The following ONECUT2 variants were observed in gnomAD, a reference collection of about 807,000 sequenced individuals.
ONECUT2 encodes one cut domain family member 2.
ONECUT2 carries 10 observed loss-of-function variants against 27.9 expected under a neutral mutation model. The ratio of observed to expected loss-of-function variants is 0.36; its 90% CI spans 0.22 to 0.61. ONECUT2 has a LOEUF of 0.61. ONECUT2 is among the 20% of genes least tolerant of loss of function. The pLI, the probability that ONECUT2 is intolerant of heterozygous loss-of-function variation, is 0.73. For missense variants in ONECUT2, 686 were observed against 721.0 expected (o/e 0.95, Z 0.56); for synonymous variants, 334 against 315.1 (o/e 1.06, Z -0.64).
chr18:57,464,367 T>C (rs2050308665), intron 1 of ONECUT2, among the ~76,000 whole-genome samples: 1 of 152,202 alleles, frequency 6.6e-6, no homozygotes, highest in South Asian at 2.1e-4. Flanking sequence ...CCTTTTCCGA[T>C]ATAACATTGA....
At chr18:57,470,719 G>A (rs756935438) in intron 1 of ONECUT2, among the ~76,000 whole-genome samples, 1 of 151,986 alleles carries the variant, frequency 6.6e-6, no homozygotes, top group African/African-American at 2.4e-5. Context: ...TCCCCAACCT[G>A]TATCTGCCTC....
chr18:57,469,084 G>A (rs900639858), intron 1 of ONECUT2, among the ~76,000 whole-genome samples: 2 of 152,144 alleles, frequency 1.3e-5, no homozygotes, highest in African/African-American at 4.8e-5. Context: ...ACCTACTTTT[G>A]TAATTGATTT....
chr18:57,442,243 G>GTTTTTTTTTTTTT (rs1568118321), intron 1 of ONECUT2, among the ~76,000 whole-genome samples: 2 of 127,504 alleles, frequency 1.6e-5, no homozygotes, highest in Non-Finnish European at 1.6e-5. Context: ...AATTCTTCTG[G>GTTTTTTTTTTTTT]GTTTTTTTTT....
rs769153360 is a variant in ONECUT2, at chr18:57,436,560, G to T, written c.844G>T (p.Gly282Cys). The T allele has an allele frequency of 3.1e-6, 5 of 1,611,512 alleles. No homozygotes were observed. Among genetic ancestry groups the T allele is most frequent in the South Asian group, 1.1e-5 (1 of 91,078 alleles). ...TGAGCAACACCTGTCCCGCGGCCTG[G>T]GCACCCCACCTGCGGCCATGATGTC... ...RGEQHLSRGLGTPPAAMMSHL... is the reference protein window; with the variant it reads ...RGEQHLSRGLCTPPAAMMSHL... Residue 282 changes from glycine to cysteine, a missense_variant, in exon 1 of 2, where the codon GGC (glycine) becomes TGC (cysteine). By Grantham distance (159) the Gly-to-Cys change is radical (BLOSUM62 -3). Coordinates refer to ENST00000491143, the MANE Select transcript of ONECUT2 (RefSeq NM_004852.3). The surrounding 1 kb of genome is among the most constrained non-coding windows in gnomAD (Gnocchi z 5.9).
chr18:57,454,210 T>G (rs1360678373), intron 1 of ONECUT2, among the ~76,000 whole-genome samples: 1 of 152,184 alleles, frequency 6.6e-6, no homozygotes, highest in Admixed American at 6.5e-5. Context: ...ATTGTGAGCC[T>G]TAAGTAAGTT....
intron 1 of ONECUT2, among the ~76,000 whole-genome samples, chr18:57,457,831 A>G (rs867646427): frequency 5.9e-5 from 9 of 152,232 alleles, no homozygotes; most frequent in Admixed American, 2.6e-4. Flanking sequence ...AGTGACATGG[A>G]TGAAGCTGAA....
intron 1 of ONECUT2, among the ~76,000 whole-genome samples, chr18:57,445,460 C>T (rs909223132): frequency 6.6e-6 from 1 of 152,186 alleles, no homozygotes; most frequent in Non-Finnish European, 1.5e-5. Context: ...CATTTCTTCC[C>T]TGATCCTTTT....
At chr18:57,462,568 T>C (rs1478452901) in intron 1 of ONECUT2, among the ~76,000 whole-genome samples, 1 of 151,982 alleles carries the variant, frequency 6.6e-6, no homozygotes, top group Non-Finnish European at 1.5e-5. Flanking sequence ...CTTAAAATTG[T>C]TTTTTGTAGA....
intron 1 of ONECUT2, among the ~76,000 whole-genome samples, chr18:57,460,517 C>G (rs1407971979): frequency 6.6e-6 from 1 of 151,030 alleles, no homozygotes; most frequent in Non-Finnish European, 1.5e-5. Context: ...TATGATATAT[C>G]TTGAGCTCTA....
chr18:57,460,043 T>G (rs1161257975), intron 1 of ONECUT2, among the ~76,000 whole-genome samples: 1 of 152,094 alleles, frequency 6.6e-6, no homozygotes, highest in East Asian at 1.9e-4. Flanking sequence ...CTACAAAAGC[T>G]TCCCAAGCAG....
At chr18:57,454,147 G>T (rs2050246033) in intron 1 of ONECUT2, among the ~76,000 whole-genome samples, 1 of 152,084 alleles carries the variant, frequency 6.6e-6, no homozygotes, top group Non-Finnish European at 1.5e-5. Context: ...AGGTCTTTAA[G>T]GTTTCTTCTT....
chr18:57,480,029 A>G lies in ONECUT2; in HGVS notation c.*3306A>G, dbSNP rs972124894. 1 of 152,244 alleles carries G rather than the reference A, an allele frequency of 6.6e-6. No homozygotes were observed. The highest frequency in any genetic ancestry group is 1.5e-5 in the Non-Finnish European group (1 of 68,068). The allele number at this position is 152,244 out of a possible 1,614,324, so 9.4% of individuals were successfully genotyped here. A position where few individuals can be genotyped will look rare whatever the true frequency, so the allele number is the denominator to read the frequency against. On this transcript the variant is annotated 3_prime_UTR_variant, in exon 2 of 2. Coordinates refer to ENST00000491143, the MANE Select transcript of ONECUT2 (RefSeq NM_004852.3). ...TGGGTGGGATGGGGGAGAGTGTCTCAATCCTGAAGAGAAAATATAAAGCAG... is the reference window on the plus strand; with the variant it reads ...TGGGTGGGATGGGGGAGAGTGTCTCGATCCTGAAGAGAAAATATAAAGCAG...
rs765657446 is a variant in ONECUT2 at position 57,476,669 on chromosome 18, C to T, written c.1461C>T (p.Asp487=). 5.9e-5 allele frequency: 95 copies of T among 1,614,160 alleles called. No homozygotes were observed. The highest frequency in any genetic ancestry group is 2.6e-4 in the South Asian group (24 of 91,076). Residue 487 remains aspartate (D), a synonymous_variant, in exon 2 of 2, where the codon GAC becomes GAT. Transcript: ENST00000491143. ...GCCGCAGCCTGGAGAAGTGGCAAGACGATCTGAGCACAGGGGGCTCCTCGT... is the reference window on the plus strand; with the variant it reads ...GCCGCAGCCTGGAGAAGTGGCAAGATGATCTGAGCACAGGGGGCTCCTCGT... The part of the protein sequence containing the change: ...ARRRSLEKWQ[D]DLSTGGSSST...
intron 1 of ONECUT2, among the ~76,000 whole-genome samples, chr18:57,446,497 A>T (rs2050201111): frequency 6.6e-6 from 1 of 152,004 alleles, no homozygotes; most frequent in Non-Finnish European, 1.5e-5. Context: ...CGGGGAGCAC[A>T]GTCAGGGCTT....
chr18:57,476,299 T>C lies in ONECUT2; in HGVS notation c.1229-138T>C, dbSNP rs2050381278. ...ATCACCCGGAGATTACAGGGAAGGC[T>C]GGTTATTGACAGCTGGGCAGTTTGC... On this transcript the variant is annotated intron_variant, in intron 1 of 1. Transcript: ENST00000491143. The C allele has an allele frequency of 6.1e-6, 5 of 817,780 alleles. No homozygotes were observed. The Admixed American group carries it at 8.3e-5, about 14-fold the overall frequency. The allele number at this position is 817,780 out of a possible 1,614,324, so 50.7% of individuals were successfully genotyped here. A position where few individuals can be genotyped will look rare whatever the true frequency, so the allele number is the denominator to read the frequency against.
rs759329733 is a variant in ONECUT2 at position 57,435,752 on chromosome 18, C to T, written c.36C>T (p.Thr12=). 2.4e-6 allele frequency: 3 copies of T among 1,270,508 alleles called. No homozygotes were observed. Among genetic ancestry groups the T allele is most frequent in the Non-Finnish European group, 2.1e-6 (2 of 973,788 alleles). 78.7% of individuals were successfully genotyped at this position (1,270,508 alleles called of 1,614,324 possible). ...CCTACACCGCCTATCGATGCCTCAC[C>T]AAAGACCTAGAAGGCTGCGCCATGA... ...KAAYTAYRCL[T]KDLEGCAMNP... The change falls in exon 1 of 2, where the codon ACC becomes ACT. Residue 12 remains threonine (T), a synonymous_variant. Transcript: ENST00000491143.
chr18:57,476,748 A>T lies in ONECUT2; in HGVS notation c.*25A>T. Reference sequence around the variant, plus strand: ...ATGGAAGGACTCTCACTTGGGCACAAGTCACCTCCAAATGAGGACAACAGA... The same window carrying T: ...ATGGAAGGACTCTCACTTGGGCACATGTCACCTCCAAATGAGGACAACAGA... On this transcript the variant is annotated 3_prime_UTR_variant, in exon 2 of 2. Coordinates refer to ENST00000491143, the MANE Select transcript of ONECUT2 (RefSeq NM_004852.3). 6.2e-7 allele frequency: 1 copy of T among 1,610,484 alleles called. No individual in the cohort carries two copies. The highest frequency in any genetic ancestry group is 1.1e-5 in the South Asian group (1 of 90,770).
intron 1 of ONECUT2, among the ~76,000 whole-genome samples, chr18:57,441,115 G>T (rs966729895): frequency 6.6e-6 from 1 of 152,228 alleles, no homozygotes; most frequent in African/African-American, 2.4e-5. Context: ...AGGCGCCCTC[G>T]ATGCGAGAGG....
At position 57,488,508 on chromosome 18, in the gene ONECUT2, C is replaced by G. The variant is rs532677875; in HGVS notation, c.*11785C>G. The G allele has an allele frequency of 6.5e-6, 1 of 152,716 alleles. No individual in the cohort carries two copies. The highest frequency in any genetic ancestry group is 1.5e-5 in the Non-Finnish European group (1 of 68,024). 9.5% of individuals were successfully genotyped at this position (152,716 alleles called of 1,614,324 possible). A position where few individuals can be genotyped will look rare whatever the true frequency, so the allele number is the denominator to read the frequency against. ...CAATGCATGGGTCTGGCTGGTTACA[C>G]TTTGCCAAGAAGACTTGTCTTATGA... On this transcript the variant is annotated 3_prime_UTR_variant, in exon 2 of 2. Coordinates refer to ENST00000491143, the MANE Select transcript of ONECUT2 (RefSeq NM_004852.3).
Sources: allele counts gnomAD v4.1 joint callset (sites outside exome capture counted in the v4.1 genomes callset), GRCh38; gene constraint gnomAD v4.1.1; non-coding constraint Gnocchi (gnomAD v3.1); transcripts MANE v1.5; gene names NCBI Gene and HGNC (gene_info 2026-07-23, HGNC 2026-07-21).